Variants in CNTN5 observed in about 807,000 individuals in gnomAD.
CNTN5 encodes contactin 5.
A neutral mutation model predicts 129.1 loss-of-function variants in CNTN5; 77 were observed. The observed-to-expected ratio is 0.60, with a 90% CI of 0.50 to 0.72. The LOEUF (loss-of-function observed/expected upper bound fraction) is 0.72. Among genes scored for constraint, CNTN5 ranks in the 30% least tolerant of loss-of-function variants. CNTN5 has a pLI of 0.00. For synonymous variants in CNTN5, 509 were observed against 465.6 expected (o/e 1.09, Z -1.20); for missense variants, 1,478 against 1,328.8 (o/e 1.11, Z -1.75).
intron 3 of CNTN5, among the ~76,000 whole-genome samples, chr11:99,730,786 AATTT>A (rs1465586990): frequency 6.6e-6 from 1 of 152,196 alleles, no homozygotes; most frequent in Non-Finnish European, 1.5e-5. Context: ...AAACATTTAT[AATTT>A]ATTTGTGTTG....
At chr11:99,515,512 T>C (rs1020764028) in intron 2 of CNTN5, among the ~76,000 whole-genome samples, 1 of 152,070 alleles carries the variant, frequency 6.6e-6, no homozygotes, top group African/African-American at 2.4e-5. Flanking sequence ...TGCGTTGAGA[T>C]TCTCATTTTA....
chr11:99,247,828 A>C lies in CNTN5; in HGVS notation c.-209-77518A>C, dbSNP rs552355169. The stretch of plus-strand genomic sequence containing the variant: ...ATGGCTGCATGGTATTCCATGGTGT[A>C]TATGTGCCACATTTTCTTAATCCAG... On this transcript the variant is annotated intron_variant, in intron 1 of 24. Coordinates refer to ENST00000524871, the MANE Select transcript of CNTN5 (RefSeq NM_014361.4). Among the ~76,000 whole-genome samples the C allele has an allele frequency of 4.6e-5, 7 of 152,246 alleles. No homozygotes were observed. In the South Asian group the frequency reaches 1.5e-3, roughly 32 times the overall value.
intron 2 of CNTN5, among the ~76,000 whole-genome samples, chr11:99,386,400 T>C (rs1940929434): frequency 6.6e-6 from 1 of 152,240 alleles, no homozygotes; most frequent in Admixed American, 6.5e-5. Context: ...GAACATATGC[T>C]AAACAAGGAG....
At chr11:100,054,297 G>A (rs1477332713) in intron 9 of CNTN5, among the ~76,000 whole-genome samples, 5 of 151,704 alleles carry the variant, frequency 3.3e-5, no homozygotes, top group African/African-American at 4.8e-5. Flanking sequence ...AGTGAAGGAT[G>A]TGAATACAGG....
intron 2 of CNTN5, among the ~76,000 whole-genome samples, chr11:99,528,410 A>C (rs183133491): frequency 1.3e-5 from 2 of 152,340 alleles, no homozygotes; most frequent in Non-Finnish European, 1.5e-5. Flanking sequence ...CTATAAATGC[A>C]TATCACTATG....
chr11:99,523,583 C>G (rs1216557398), intron 2 of CNTN5, among the ~76,000 whole-genome samples: 1 of 146,134 alleles, frequency 6.8e-6, no homozygotes, highest in Non-Finnish European at 1.5e-5. Flanking sequence ...GAGGGAGACC[C>G]CATCTCAAAG....
chr11:99,600,975 G>A (rs536484022), intron 3 of CNTN5, among the ~76,000 whole-genome samples: 2 of 152,180 alleles, frequency 1.3e-5, no homozygotes, highest in East Asian at 3.9e-4. Context: ...AAATGTAATT[G>A]GCTTAGGACC....
At chr11:100,336,865 C>G in intron 21 of CNTN5, 1 of 499,956 alleles carries the variant, frequency 2.0e-6, no homozygotes, top group Non-Finnish European at 3.6e-6. Context: ...AGATGTGGAA[C>G]AGTGGATTTG....
intron 3 of CNTN5, among the ~76,000 whole-genome samples, chr11:99,630,698 G>A (rs1388253431): frequency 1.3e-5 from 2 of 151,886 alleles, no homozygotes; most frequent in African/African-American, 2.4e-5. Context: ...CTCTGTCCGG[G>A]GTATACCCTT....
chr11:100,083,217 T>TGAGGCAGGAGAATCACTTG (rs1944426842), intron 13 of CNTN5, among the ~76,000 whole-genome samples: 1 of 151,062 alleles, frequency 6.6e-6, no homozygotes, highest in Non-Finnish European at 1.5e-5. Context: ...CTCGGGAGGA[T>TGAGGCAGGAGAATCACTTG]GAGGCAGGAG....
chr11:99,416,605 G>A (rs1307128507), intron 2 of CNTN5, among the ~76,000 whole-genome samples: 2 of 152,036 alleles, frequency 1.3e-5, no homozygotes, highest in Non-Finnish European at 1.5e-5. Flanking sequence ...ACTGTCACAG[G>A]TGCAAGTATC....
chr11:99,854,512 GTGAA>G (rs2135737804), intron 6 of CNTN5, among the ~76,000 whole-genome samples: 1 of 152,262 alleles, frequency 6.6e-6, no homozygotes, highest in Non-Finnish European at 1.5e-5. Context: ...GAATTTGTAA[GTGAA>G]TGAATAGGTG....
chr11:99,689,432 CAGG>C (rs928650002), intron 3 of CNTN5, among the ~76,000 whole-genome samples: 4 of 143,278 alleles, frequency 2.8e-5, no homozygotes, highest in African/African-American at 7.7e-5. Context: ...GAGGCTGAGG[CAGG>C]AGAATAGCGT....
intron 3 of CNTN5, among the ~76,000 whole-genome samples, chr11:99,684,465 CA>C (rs1439419777): frequency 6.6e-6 from 1 of 151,320 alleles, no homozygotes; most frequent in Non-Finnish European, 1.5e-5. Flanking sequence ...TGTGTGCATT[CA>C]TTCATTCATT....
intron 20 of CNTN5, among the ~76,000 whole-genome samples, chr11:100,306,382 G>T (rs562748267): frequency 2.6e-5 from 4 of 151,716 alleles, no homozygotes; most frequent in Middle Eastern, 3.4e-3. Context: ...GATATGGAAA[G>T]GTTGCTACCC....
chr11:99,340,098 A>G (rs1379675947), intron 2 of CNTN5, among the ~76,000 whole-genome samples: 3 of 152,174 alleles, frequency 2.0e-5, no homozygotes, highest in Admixed American at 2.0e-4. Context: ...GGACGATCCC[A>G]GTATTTTGTT....
intron 17 of CNTN5, among the ~76,000 whole-genome samples, chr11:100,258,457 A>G (rs182649481): frequency 7.2e-4 from 110 of 152,288 alleles, no homozygotes; most frequent in African/African-American, 1.9e-3. Context: ...GATACTCCTC[A>G]AGAAGAGAAA....
intron 7 of CNTN5, among the ~76,000 whole-genome samples, chr11:99,951,186 T>C (rs945819581): frequency 1.3e-5 from 2 of 151,852 alleles, no homozygotes; most frequent in African/African-American, 4.8e-5. Flanking sequence ...TTGAAGTCCA[T>C]GGTCTTACTC....
intron 1 of CNTN5, among the ~76,000 whole-genome samples, chr11:99,194,689 T>C (rs1430651306): frequency 6.6e-6 from 1 of 152,088 alleles, no homozygotes; most frequent in Non-Finnish European, 1.5e-5. Flanking sequence ...CACTGCAACC[T>C]CCAGCTCCTG....
Sources: gnomAD v4.1 joint callset for allele counts (sites outside exome capture counted in the v4.1 genomes callset) on GRCh38, gnomAD v4.1.1 for gene constraint, MANE v1.5 for transcripts, NCBI Gene and HGNC (gene_info 2026-07-23, HGNC 2026-07-21) for gene names.